Variants in RNLS observed in about 807,000 individuals in gnomAD.
The protein encoded by RNLS is renalase, FAD dependent amine oxidase, also known as renalase.
A neutral mutation model predicts 39.8 loss-of-function variants in RNLS; 39 were observed. That is an observed-to-expected ratio of 0.98 (90% CI 0.76 to 1.28). The LOEUF is 1.28. RNLS is among the 50% of genes most tolerant of loss of function. The pLI, the probability that RNLS is intolerant of heterozygous loss-of-function variation, is 0.00. For synonymous variants in RNLS, 147 were observed against 150.7 expected, an observed-to-expected ratio of 0.98 and a Z score of 0.18; for missense variants, 410 against 413.3, an observed-to-expected ratio of 0.99 and a Z score of 0.07.
chr10:88,456,497 C>T (rs775699602), intron 4 of RNLS, among the ~76,000 whole-genome samples: 1 of 152,122 alleles, frequency 6.6e-6, no homozygotes, highest in Admixed American at 6.5e-5. Context: ...CAAAGTTACA[C>T]AAATGTCAAA....
At chr10:88,291,435 A>G (rs746137462) in intron 6 of RNLS, among the ~76,000 whole-genome samples, 3 of 152,206 alleles carry the variant, frequency 2.0e-5, no homozygotes, top group Non-Finnish European at 4.4e-5. Context: ...CAGATCATTC[A>G]TCTTGCTGGG....
chr10:88,280,393 C>T (rs114526114), downstream of RNLS, among the ~76,000 whole-genome samples: 701 of 152,220 alleles, frequency 4.6e-3, 4 homozygotes, highest in African/African-American at 0.016. Context: ...GGATTTACAA[C>T]GTGGCATAGG....
chr10:88,338,143 G>C (rs1847645978), intron 5 of RNLS, among the ~76,000 whole-genome samples: 1 of 152,172 alleles, frequency 6.6e-6, no homozygotes, highest in Non-Finnish European at 1.5e-5. Context: ...GAGAAGAAAA[G>C]TTCATCCTTC....
intron 4 of RNLS, among the ~76,000 whole-genome samples, chr10:88,411,522 GT>G (rs796642062): frequency 2.9e-4 from 42 of 142,478 alleles, no homozygotes; most frequent in East Asian, 6.1e-4. Flanking sequence ...CCCATCTTCT[GT>G]TTTTTTTTTT....
chr10:88,512,788 C>A (rs1846202450), intron 4 of RNLS, among the ~76,000 whole-genome samples: 1 of 152,150 alleles, frequency 6.6e-6, no homozygotes, highest in South Asian at 2.1e-4. Flanking sequence ...TTTGCTTAGG[C>A]TGACTTCTCT....
chr10:88,477,704 C>T (rs889087266), intron 4 of RNLS, among the ~76,000 whole-genome samples: 12 of 152,176 alleles, frequency 7.9e-5, no homozygotes, highest in Non-Finnish European at 2.9e-5. Flanking sequence ...CATGCATCAT[C>T]CCCCTTAATT....
downstream of RNLS, among the ~76,000 whole-genome samples, chr10:88,281,482 C>T (rs577097281): frequency 1.3e-5 from 2 of 152,164 alleles, no homozygotes; most frequent in Non-Finnish European, 2.9e-5. Context: ...CTTGTCTTCT[C>T]CTAAGTAGAA....
chr10:88,255,136 T>G, the RNLS span, among the ~76,000 whole-genome samples: 2 of 152,244 alleles, frequency 1.3e-5, no homozygotes, highest in African/African-American at 4.8e-5. Context: ...GAGTCAGTTC[T>G]CTGCATACAA....
chr10:88,216,173 A>C, the RNLS span, among the ~76,000 whole-genome samples: 1 of 152,216 alleles, frequency 6.6e-6, no homozygotes, highest in Non-Finnish European at 1.5e-5. Context: ...GGGTTTTAGC[A>C]TATCAATAAG....
chr10:88,482,681 A>T (rs560918524), intron 4 of RNLS, among the ~76,000 whole-genome samples: 3 of 151,886 alleles, frequency 2.0e-5, no homozygotes, highest in East Asian at 3.9e-4. Context: ...TTCTATGATA[A>T]TTTTTTCCTT....
chr10:88,346,979 G>A (rs1848352883), intron 5 of RNLS, among the ~76,000 whole-genome samples: 1 of 152,248 alleles, frequency 6.6e-6, no homozygotes, highest in South Asian at 2.1e-4. Context: ...AATCTTTTCT[G>A]AGGGAGCTCT....
the RNLS span, among the ~76,000 whole-genome samples, chr10:88,234,752 A>G: frequency 8.5e-5 from 13 of 152,232 alleles, no homozygotes; most frequent in African/African-American, 3.1e-4. Context: ...CAAAGCAGGC[A>G]GAACAAAGTC....
At chr10:88,314,359 A>C in intron 6 of RNLS, 107 bp downstream of exon 6, 1 of 1,162,230 alleles carries the variant, frequency 8.6e-7, no homozygotes, top group Non-Finnish European at 1.2e-6. Context: ...CAAGGATCAC[A>C]TAGTTAATTT....
At chr10:88,248,260 C>G in the RNLS span, among the ~76,000 whole-genome samples, 1 of 152,204 alleles carries the variant, frequency 6.6e-6, no homozygotes, top group Non-Finnish European at 1.5e-5. Flanking sequence ...ACTTTACCAT[C>G]TACCTACTGT....
chr10:88,200,725 T>G, the RNLS span, among the ~76,000 whole-genome samples: 5 of 152,194 alleles, frequency 3.3e-5, no homozygotes, highest in African/African-American at 7.2e-5. Context: ...GGACATTTGT[T>G]GTAGTAGATT....
downstream of RNLS, among the ~76,000 whole-genome samples, chr10:88,273,124 C>T (rs2132579091): frequency 6.6e-6 from 1 of 152,264 alleles, no homozygotes; most frequent in South Asian, 2.1e-4. Context: ...AAAGAAACTC[C>T]CAGAGGTCTG....
At chr10:88,378,284 C>T (rs1326481236) in intron 4 of RNLS, among the ~76,000 whole-genome samples, 1 of 152,114 alleles carries the variant, frequency 6.6e-6, no homozygotes, top group South Asian at 2.1e-4. Flanking sequence ...GAAAACAGTA[C>T]CTCAAAAGGA....
At chr10:88,302,178 A>G (rs1483031964) in intron 6 of RNLS, among the ~76,000 whole-genome samples, 1 of 152,184 alleles carries the variant, frequency 6.6e-6, no homozygotes, top group Non-Finnish European at 1.5e-5. Context: ...GTTTGAAATG[A>G]CTCTGCATTA....
At position 88,335,295 on chromosome 10, in the gene RNLS, G is replaced by A. The variant is rs534173397; in HGVS notation, c.701-20654C>T. Among the ~76,000 whole-genome samples, 18 of 150,236 alleles carry A rather than the reference G, an allele frequency of 1.2e-4. 1 individual carries two copies. The highest frequency in any genetic ancestry group is 4.2e-4 in the African/African-American group (17 of 40,796). ...TGCAGTGGCTCAATTTTGGCTCACT[G>A]CAACCTCCACCTCCTGGGCTCAAGC... On this transcript the variant is annotated intron_variant, in intron 5 of 6. Coordinates refer to ENST00000331772, the MANE Select transcript of RNLS (RefSeq NM_001031709.3).
Sources: gnomAD v4.1 joint callset for allele counts (sites outside exome capture counted in the v4.1 genomes callset) on GRCh38, gnomAD v4.1.1 for gene constraint, MANE v1.5 for transcripts, NCBI Gene and HGNC (gene_info 2026-07-23, HGNC 2026-07-21) for gene names.